CTBP1: variants seen among roughly 807,000 people sequenced by gnomAD.
CTBP1 encodes C-terminal-binding protein 1.
CTBP1 carries 11 observed loss-of-function variants against 42.1 expected under a neutral mutation model. The ratio of observed to expected loss-of-function variants is 0.26; its 90% confidence interval spans 0.16 to 0.43. The LOEUF (loss-of-function observed/expected upper bound fraction) is 0.43, where lower values mean the gene tolerates loss of function less well. CTBP1 is among the 20% of genes least tolerant of loss of function. The probability of loss-of-function intolerance (pLI) is 1.00; values close to 1 mark genes in which losing one functional copy is unlikely to be tolerated. For missense variants in CTBP1, 399 were observed against 624.3 expected, an observed-to-expected ratio of 0.64 and a Z score of 3.85; for synonymous variants, 324 against 277.1, an observed-to-expected ratio of 1.17 and a Z score of -1.68.
intron 3 of CTBP1, chr4:1,234,659 G>GT (rs955209012): frequency 1.3e-5 from 2 of 152,230 alleles, no homozygotes; most frequent in African/African-American, 4.8e-5. Flanking sequence ...TGGCAAAACT[G>GT]TTTGAGTATT....
At chr4:1,213,739 G>A (rs1728796641) in intron 7 of CTBP1, 134 bp from the exon 8 acceptor site, 7 of 1,211,172 alleles carry the variant, frequency 5.8e-6, no homozygotes, top group South Asian at 4.9e-5. Context: ...TGCTCTGCTC[G>A]GCAGGCTGGC....
intron 2 of CTBP1, among the ~76,000 whole-genome samples, chr4:1,239,370 C>T (rs969691542): frequency 6.6e-6 from 1 of 152,174 alleles, no homozygotes; most frequent in Non-Finnish European, 1.5e-5. Flanking sequence ...CAAAGACCGG[C>T]CACAGGAGAC....
At chr4:1,216,375 C>T (rs944724979) in intron 5 of CTBP1, 170 bp from the exon 6 acceptor site, 30 of 666,588 alleles carry the variant, frequency 4.5e-5, no homozygotes, top group African/African-American at 7.3e-5. Context: ...GAGCGCTCCA[C>T]GTCCGCTCCA....
chr4:1,233,789 G>A lies in CTBP1; in HGVS notation c.162+4394C>T, dbSNP rs926931869. On this transcript the variant is annotated intron_variant, in intron 3 of 9. Transcript: ENST00000382952. This position sits in a 1 kb window ranked among gnomAD's most constrained non-coding sequence, Gnocchi z 4.6. ...TTCTCTCCCTCCACGGCACTCAGACGGCGGCGACCTCCAACCAGCTATGCG... is the reference window on the plus strand; with the variant it reads ...TTCTCTCCCTCCACGGCACTCAGACAGCGGCGACCTCCAACCAGCTATGCG... 4.6e-5 allele frequency among the ~76,000 whole-genome samples: 7 copies of A among 152,290 alleles called. No individual in the cohort carries two copies. The highest frequency in any genetic ancestry group is 3.4e-3 in the Middle Eastern group (1 of 294).
intron 1 of CTBP1, chr4:1,248,715 G>C (rs1000819786): frequency 1.0e-6 from 1 of 981,858 alleles, no homozygotes; most frequent in Non-Finnish European, 1.2e-6. Context: ...ACACGCAGCG[G>C]CCCGCGCATG....
intron 1 of CTBP1, among the ~76,000 whole-genome samples, chr4:1,246,664 AG>A (rs1282030378): frequency 6.6e-6 from 1 of 152,198 alleles, no homozygotes; most frequent in Non-Finnish European, 1.5e-5. Flanking sequence ...TACTGGCCGC[AG>A]GAAGTTGAGA....
Position 1,241,333 on chromosome 4 carries a change from T to C in CTBP1, c.-2A>G, listed in dbSNP as rs1732157609. On this transcript the variant is annotated 5_prime_UTR_variant, in exon 2 of 10. Transcript: ENST00000382952. ...CAGGAACCCCTACCAACCTGACATC[T>C]CTTAATATGGGCTCAGCTTCCACGA... is the stretch of plus-strand genomic sequence containing the variant. 7.8e-6 allele frequency: 7 copies of C among 897,314 alleles called. No individual in the cohort carries two copies. The East Asian group carries it at 1.7e-4, about 22-fold the overall frequency. 55.6% of individuals were successfully genotyped at this position (897,314 alleles called of 1,614,324 possible).
At chr4:1,249,911 C>G (rs1276924565), upstream of CTBP1, 1 of 184,340 alleles carries the variant, frequency 5.4e-6, no homozygotes. Context: ...GAAGCCCCGA[C>G]CCGGGAGGGC....
rs774383123 is a variant in CTBP1, at chr4:1,238,018, G to A, written c.162+165C>T. ...TGTCCACCTCCTGATGGTGTCCAGGGAAAACCCCGTGTCCACCTCCTGACG... is the reference window on the plus strand; with the variant it reads ...TGTCCACCTCCTGATGGTGTCCAGGAAAAACCCCGTGTCCACCTCCTGACG... On this transcript the variant is annotated intron_variant, in intron 3 of 9. Coordinates refer to ENST00000382952, the MANE Select transcript of CTBP1 (RefSeq NM_001012614.2). The surrounding 1 kb of genome is among the most constrained non-coding windows in gnomAD (Gnocchi z 5.9). The A allele has an allele frequency of 5.5e-6, 5 of 907,672 alleles. No homozygotes were observed. Among genetic ancestry groups the A allele is most frequent in the Non-Finnish European group, 8.9e-6 (5 of 561,562 alleles). 56.2% of individuals were successfully genotyped at this position (907,672 alleles called of 1,614,324 possible).
intron 3 of CTBP1, among the ~76,000 whole-genome samples, chr4:1,230,418 C>A (rs1024464257): frequency 6.6e-6 from 1 of 152,228 alleles, no homozygotes; most frequent in Non-Finnish European, 1.5e-5. Context: ...GCAGATGAAG[C>A]TTCGTCGGCA....
chr4:1,228,859 G>A (rs1469667549), intron 3 of CTBP1, among the ~76,000 whole-genome samples: 2 of 152,224 alleles, frequency 1.3e-5, no homozygotes, highest in Admixed American at 1.3e-4. Context: ...GTCGGCGGAG[G>A]CAGGCAGACG....
intron 4 of CTBP1, among the ~76,000 whole-genome samples, chr4:1,226,457 G>A (rs538156450): frequency 2.6e-5 from 4 of 152,012 alleles, no homozygotes; most frequent in Admixed American, 6.5e-5. Flanking sequence ...AGGGCCTGAT[G>A]TGGGGCGGCG....
At chr4:1,229,427 T>C (rs1290194063) in intron 3 of CTBP1, among the ~76,000 whole-genome samples, 1 of 152,230 alleles carries the variant, frequency 6.6e-6, no homozygotes, top group Non-Finnish European at 1.5e-5. Context: ...CACATGGGCA[T>C]GTCCGAGTCC....
intron 2 of CTBP1, among the ~76,000 whole-genome samples, chr4:1,240,285 C>T (rs111798115): frequency 6.8e-6 from 1 of 146,460 alleles, no homozygotes; most frequent in Non-Finnish European, 1.5e-5. Context: ...TCGTCGGAAC[C>T]GCCTGGGGGG....
intron 9 of CTBP1, 91 bp downstream of exon 9, chr4:1,212,822 G>A (rs945361220): frequency 1.8e-6 from 2 of 1,102,074 alleles, no homozygotes; most frequent in Non-Finnish European, 2.7e-6. Flanking sequence ...AGTCAGTGGA[G>A]ACGCCGCCCC....
intron 6 of CTBP1, among the ~76,000 whole-genome samples, chr4:1,215,361 A>C (rs1728996843): frequency 6.6e-6 from 1 of 152,234 alleles, no homozygotes; most frequent in Non-Finnish European, 1.5e-5. Context: ...ATGCAGACAC[A>C]TGCACCCACG....
intron 5 of CTBP1, 66 bp from the exon 6 acceptor site, chr4:1,216,271 C>A: frequency 6.7e-7 from 1 of 1,492,422 alleles, no homozygotes; most frequent in South Asian, 1.2e-5. Flanking sequence ...GCCCCGAAAG[C>A]CAGGGTCGGA....
At chr4:1,234,540 C>G (rs1426680954) in intron 3 of CTBP1, 1 of 152,276 alleles carries the variant, frequency 6.6e-6, no homozygotes, top group Non-Finnish European at 1.5e-5. Flanking sequence ...AGGGCCCACG[C>G]CGGCCCCACC....
chr4:1,215,863 G>A (rs1223021740), intron 6 of CTBP1, 128 bp downstream of exon 6: 6 of 1,016,180 alleles, frequency 5.9e-6, no homozygotes, highest in South Asian at 1.6e-5. Context: ...GCTGGCAGCC[G>A]CCGCCATGTG....
Sources: allele counts gnomAD v4.1 joint callset (sites outside exome capture counted in the v4.1 genomes callset), GRCh38; gene constraint gnomAD v4.1.1; non-coding constraint Gnocchi (gnomAD v3.1); transcripts MANE v1.5; gene names NCBI Gene and HGNC (gene_info 2026-07-23, HGNC 2026-07-21).